The following COL14A1 variants were observed in gnomAD, a reference collection of about 807,000 sequenced individuals.
COL14A1 encodes the protein collagen alpha-1(XIV) chain.
In COL14A1, 136 loss-of-function variants were observed where a neutral mutation model predicts 230.3. The observed-to-expected ratio is 0.59, with a 90% confidence interval of 0.51 to 0.68. COL14A1 has a LOEUF of 0.68. COL14A1 is among the 30% of genes least tolerant of loss of function. The probability of loss-of-function intolerance (pLI) is 0.00; values close to 1 mark genes in which losing one functional copy is unlikely to be tolerated. For missense variants in COL14A1, 1,976 were observed against 2,215.8 expected, an observed-to-expected ratio of 0.89 and a Z score of 2.17; for synonymous variants, 792 against 784.1, an observed-to-expected ratio of 1.01 and a Z score of -0.17.
intron 1 of COL14A1, among the ~76,000 whole-genome samples, chr8:120,146,729 T>C: frequency 6.6e-6 from 1 of 152,152 alleles, no homozygotes; most frequent in Non-Finnish European, 1.5e-5. Context: ...CCTGTGAAAT[T>C]TGGCACCGTT....
chr8:120,231,050 T>C (rs2130816382), intron 18 of COL14A1, among the ~76,000 whole-genome samples: 1 of 152,244 alleles, frequency 6.6e-6, no homozygotes, highest in African/African-American at 2.4e-5. Flanking sequence ...TTGGGATGTG[T>C]GTTGGATGCT....
intron 12 of COL14A1, among the ~76,000 whole-genome samples, chr8:120,212,032 G>A (rs560385234): frequency 2.6e-5 from 4 of 152,338 alleles, no homozygotes; most frequent in Non-Finnish European, 4.4e-5. Context: ...TCTGGCCAGA[G>A]CACTGGTTAG....
intron 35 of COL14A1, among the ~76,000 whole-genome samples, chr8:120,300,425 C>A (rs1820674580): frequency 6.6e-6 from 1 of 151,976 alleles, no homozygotes; most frequent in South Asian, 2.1e-4. Flanking sequence ...TCACTCCAAC[C>A]AACAGAATTA....
chr8:120,367,718 T>C (rs945436381), intron 46 of COL14A1, among the ~76,000 whole-genome samples: 1 of 151,222 alleles, frequency 6.6e-6, no homozygotes, highest in African/African-American at 2.4e-5. Flanking sequence ...AGAGGATCAC[T>C]TGAGGCCAAG....
chr8:120,149,090 C>T (rs940452771), intron 2 of COL14A1, among the ~76,000 whole-genome samples: 8 of 152,288 alleles, frequency 5.3e-5, no homozygotes, highest in Admixed American at 2.0e-4. Context: ...CACAACTGTG[C>T]AAAGTGATAT....
At chr8:120,267,340 T>G (rs191982529) in intron 25 of COL14A1, among the ~76,000 whole-genome samples, 5 of 152,080 alleles carry the variant, frequency 3.3e-5, no homozygotes, top group Admixed American at 3.3e-4. Flanking sequence ...TGATCATTAT[T>G]TTTTTATTTC....
In COL14A1 at chr8:120,128,228, C is replaced by CGTGTGT. The variant is rs33988612; in HGVS notation, c.-38+2917_-38+2922dup. ...ACGTGTGTGTGTGTGTGTGCGCGCG[C>CGTGTGT]GTGTGTGTGTGTGTGTGTGTGTGTG... is the stretch of plus-strand genomic sequence containing the variant. On this transcript the variant is annotated intron_variant, in intron 1 of 47. Transcript: ENST00000297848. 1.1e-3 allele frequency among the ~76,000 whole-genome samples: 168 copies of CGTGTGT among 146,784 alleles called. 1 individual carries two copies. Among genetic ancestry groups the CGTGTGT allele is most frequent in the South Asian group, 2.4e-3 (11 of 4,540 alleles).
intron 19 of COL14A1, among the ~76,000 whole-genome samples, chr8:120,236,136 T>C (rs766402738): frequency 2.6e-5 from 4 of 152,222 alleles, no homozygotes; most frequent in African/African-American, 7.2e-5. Flanking sequence ...TAGGTCCTCT[T>C]GGTCCAGAGC....
intron 47 of COL14A1, 69 bp from the exon 48 acceptor site, chr8:120,371,082 AG>A (rs1823570170): frequency 7.5e-7 from 1 of 1,326,894 alleles, no homozygotes; most frequent in African/African-American, 1.5e-5. Flanking sequence ...CTAAGGACCC[AG>A]GTGAGGGGAG....
Position 120,125,215 on chromosome 8 carries a change from A to T in COL14A1, c.-163A>T, listed in dbSNP as rs1484101630. ...AGAGAGAAAGAGAGAGAGGCTAATT[A>T]AAAAAGGATACTCCGAGGGAAGAGA... On this transcript the variant is annotated 5_prime_UTR_variant, in exon 1 of 48. Transcript: ENST00000297848. 2.0e-5 allele frequency: 3 copies of T among 152,404 alleles called. No individual in the cohort carries two copies. The highest frequency in any genetic ancestry group is 2.9e-5 in the Non-Finnish European group (2 of 68,182). 9.4% of individuals were successfully genotyped at this position (152,404 alleles called of 1,614,324 possible). A position where few individuals can be genotyped will look rare whatever the true frequency, so the allele number is the denominator to read the frequency against.
At chr8:120,248,214 A>G (rs1186699505) in intron 21 of COL14A1, among the ~76,000 whole-genome samples, 1 of 152,078 alleles carries the variant, frequency 6.6e-6, no homozygotes, top group Admixed American at 6.6e-5. Context: ...GGAAGAAAAA[A>G]AAAACTCATC....
chr8:120,268,767 G>T (rs1397621651), intron 25 of COL14A1, among the ~76,000 whole-genome samples: 1 of 151,668 alleles, frequency 6.6e-6, no homozygotes, highest in Non-Finnish European at 1.5e-5. Context: ...CATGCATGTG[G>T]ATATATTTTC....
chr8:120,175,663 C>T (rs760187845), intron 5 of COL14A1, among the ~76,000 whole-genome samples: 1 of 152,094 alleles, frequency 6.6e-6, no homozygotes, highest in Non-Finnish European at 1.5e-5. Flanking sequence ...CTATGGCTGC[C>T]GTCCCACAAT....
At chr8:120,141,635 C>CA (rs199737069) in intron 1 of COL14A1, among the ~76,000 whole-genome samples, 2,083 of 152,072 alleles carry the variant, frequency 0.014, 18 homozygotes, top group South Asian at 0.028. Flanking sequence ...GCCCAGTTTC[C>CA]AAAAAAATTG....
At chr8:120,257,455 T>C (rs1819192629) in intron 23 of COL14A1, among the ~76,000 whole-genome samples, 1 of 151,958 alleles carries the variant, frequency 6.6e-6, no homozygotes, top group Non-Finnish European at 1.5e-5. Context: ...GAGGAGTGAG[T>C]GTGGGGGTGG....
chr8:120,283,641 T>C lies in COL14A1; in HGVS notation c.3830T>C (p.Leu1277Ser). 1.9e-6 allele frequency: 3 copies of C among 1,608,780 alleles called. No individual in the cohort carries two copies. The highest frequency in any genetic ancestry group is 2.5e-6 in the Non-Finnish European group (3 of 1,178,622). ...GGTTTTCTTTCTATGTTCAGGTACT[T>C]GCACCCAGAAGGATTGCCCTCCGAC... ...DALVSQPTRYLHPEGLPSDYT... is the reference protein window; with the variant it reads ...DALVSQPTRYSHPEGLPSDYT... Residue 1277 changes from leucine to serine, a missense_variant, in exon 32 of 48, where the codon TTG becomes TCG. Around this residue, in one of 3 missense-constraint regions of COL14A1, gnomAD observed 1,791 missense variants for 2,019.5 expected, o/e 0.89. Coordinates refer to ENST00000297848, the MANE Select transcript of COL14A1 (RefSeq NM_021110.4).
chr8:120,295,451 T>C (rs1488044645), intron 34 of COL14A1, among the ~76,000 whole-genome samples: 1 of 151,866 alleles, frequency 6.6e-6, no homozygotes, highest in Non-Finnish European at 1.5e-5. Context: ...AATCTGAAGA[T>C]GTAAAGATAT....
chr8:120,126,119 T>C (rs955585964), intron 1 of COL14A1, among the ~76,000 whole-genome samples: 1 of 152,196 alleles, frequency 6.6e-6, no homozygotes. Context: ...CTTTTATCTC[T>C]CTGACACCCC....
chr8:120,165,588 A>T (rs943361968), intron 4 of COL14A1, among the ~76,000 whole-genome samples: 1 of 152,204 alleles, frequency 6.6e-6, no homozygotes, highest in South Asian at 2.1e-4. Flanking sequence ...TTTGCTTGTA[A>T]CAATCTATTT....
Sources: gnomAD v4.1 joint callset for allele counts (sites outside exome capture counted in the v4.1 genomes callset) on GRCh38, gnomAD v4.1.1 for gene constraint, gnomAD v4.1.1 regional missense constraint, MANE v1.5 for transcripts, NCBI Gene and HGNC (gene_info 2026-07-23, HGNC 2026-07-21) for gene names.